The following UNC13C variants were observed in gnomAD, a reference collection of about 807,000 sequenced individuals.
UNC13C encodes unc-13 homolog C.
A neutral mutation model predicts 245.4 loss-of-function variants in UNC13C; 174 were observed. The ratio of observed to expected loss-of-function variants is 0.71; its 90% CI spans 0.63 to 0.80. UNC13C has a LOEUF of 0.80. Among genes scored for constraint, UNC13C ranks in the 30% least tolerant of loss-of-function variants. UNC13C has a pLI of 0.00. For missense variants in UNC13C, 2,829 were observed against 2,602.9 expected (o/e 1.09, Z -1.89); for synonymous variants, 992 against 895.1 (o/e 1.11, Z -1.93).
intron 19 of UNC13C, among the ~76,000 whole-genome samples, chr15:54,444,071 T>C (rs1378849104): frequency 6.6e-6 from 1 of 151,996 alleles, no homozygotes; most frequent in Non-Finnish European, 1.5e-5. Context: ...TATATCTGGA[T>C]ACTCCAGTAT....
At chr15:54,047,945 C>T (rs1002750077) in intron 2 of UNC13C, among the ~76,000 whole-genome samples, 1 of 151,966 alleles carries the variant, frequency 6.6e-6, no homozygotes, top group Non-Finnish European at 1.5e-5. Context: ...ACAGGCATAT[C>T]GTAAGTATAC....
At chr15:54,229,378 A>G (rs1371610456) in intron 4 of UNC13C, among the ~76,000 whole-genome samples, 1 of 152,096 alleles carries the variant, frequency 6.6e-6, no homozygotes, top group African/African-American at 2.4e-5. Context: ...TGCTTGTTCA[A>G]TTTGGTGTTC....
the UNC13C span, among the ~76,000 whole-genome samples, chr15:53,934,304 C>T: frequency 3.6e-3 from 544 of 152,302 alleles, 1 homozygote; most frequent in South Asian, 0.013. Context: ...CAAACTATAT[C>T]AAACACTCAC....
chr15:54,089,759 C>T (rs367822291), intron 2 of UNC13C, among the ~76,000 whole-genome samples: 1 of 150,166 alleles, frequency 6.7e-6, no homozygotes, highest in African/African-American at 2.5e-5. Context: ...TTTTTACTCT[C>T]TGGAGAGAAA....
chr15:54,614,996 G>A (rs890187457), intron 30 of UNC13C, among the ~76,000 whole-genome samples: 1 of 151,926 alleles, frequency 6.6e-6, no homozygotes, highest in Admixed American at 6.6e-5. Flanking sequence ...TTTTGTTTCA[G>A]ATGCCCTTTA....
At chr15:53,865,519 C>A in the UNC13C span, among the ~76,000 whole-genome samples, 1 of 152,092 alleles carries the variant, frequency 6.6e-6, no homozygotes, top group Non-Finnish European at 1.5e-5. Flanking sequence ...AGGGCCCCAA[C>A]CTAAAGGCCT....
At chr15:54,264,727 T>C (rs1342975616) in intron 9 of UNC13C, among the ~76,000 whole-genome samples, 1 of 151,918 alleles carries the variant, frequency 6.6e-6, no homozygotes, top group Non-Finnish European at 1.5e-5. Context: ...AGTTAATCTT[T>C]TTAAATGAGA....
chr15:53,938,494 C>G, the UNC13C span, among the ~76,000 whole-genome samples: 2 of 152,160 alleles, frequency 1.3e-5, no homozygotes, highest in Non-Finnish European at 2.9e-5. Flanking sequence ...GAACTGAGCT[C>G]TGGATCAAGG....
chr15:54,538,148 A>AAAAAAAAAAAAAAAAAAAC, intron 26 of UNC13C, among the ~76,000 whole-genome samples: 1 of 144,830 alleles, frequency 6.9e-6, no homozygotes, highest in Non-Finnish European at 1.5e-5. Flanking sequence ...AAAAAAAAAA[A>AAAAAAAAAAAAAAAAAAAC]AAAAAAAAAA....
rs374191026 is a variant in UNC13C at position 54,458,636 on chromosome 15, T to C, written c.4934-35972T>C. On this transcript the variant is annotated intron_variant, in intron 19 of 32. Coordinates refer to ENST00000260323, the MANE Select transcript of UNC13C (RefSeq NM_001080534.3). ...TATTAGACTAACCCTTTTATCATTATAGAATGTCCCTCTGTCTTTTTTAAA... is the reference window on the plus strand; with the variant it reads ...TATTAGACTAACCCTTTTATCATTACAGAATGTCCCTCTGTCTTTTTTAAA... Among the ~76,000 whole-genome samples, 5 of 151,348 alleles carry C rather than the reference T, an allele frequency of 3.3e-5. No individual in the cohort carries two copies. The South Asian group carries it at 6.3e-4, about 19-fold the overall frequency.
intron 30 of UNC13C, among the ~76,000 whole-genome samples, chr15:54,596,539 C>A (rs923108662): frequency 6.6e-6 from 1 of 152,200 alleles, no homozygotes; most frequent in Non-Finnish European, 1.5e-5. Context: ...ATGAGAGCAC[C>A]ACTAGGGTCA....
At chr15:53,845,935 C>T in the UNC13C span, among the ~76,000 whole-genome samples, 30 of 152,120 alleles carry the variant, frequency 2.0e-4, no homozygotes, top group African/African-American at 7.2e-4. Flanking sequence ...CTTTACAATG[C>T]TACAAAAGCC....
chr15:53,884,045 G>A, the UNC13C span, among the ~76,000 whole-genome samples: 108 of 152,162 alleles, frequency 7.1e-4, 1 homozygote, highest in Middle Eastern at 3.4e-3. Flanking sequence ...AAATGATGCC[G>A]GTACCGTGCA....
At chr15:54,522,276 G>A (rs556212472) in intron 24 of UNC13C, among the ~76,000 whole-genome samples, 2 of 150,754 alleles carry the variant, frequency 1.3e-5, no homozygotes, top group East Asian at 3.9e-4. Flanking sequence ...TTCAAGACCA[G>A]CCTGGTCAAC....
At chr15:53,919,501 T>C in the UNC13C span, among the ~76,000 whole-genome samples, 1 of 152,202 alleles carries the variant, frequency 6.6e-6, no homozygotes, top group African/African-American at 2.4e-5. Context: ...GCTGCTCAGG[T>C]GTTGATTTCT....
intron 4 of UNC13C, among the ~76,000 whole-genome samples, chr15:54,147,449 G>A (rs1340215401): frequency 1.3e-5 from 2 of 152,080 alleles, no homozygotes; most frequent in Non-Finnish European, 2.9e-5. Flanking sequence ...TCGATCTCCT[G>A]ACCTCGTGAT....
Position 54,264,222 on chromosome 15 carries a change from T to C in UNC13C, c.3503T>C (p.Ile1168Thr). The stretch of plus-strand genomic sequence containing the variant: ...GCCGAAGACAAGACTCAGACCATTA[T>C]TACAGCAATGAAAGAAAGAATGAAG... ...HGAEDKTQTI[I>T]TAMKERMKIR... is the part of the protein sequence containing the mutation. Residue 1168 changes from isoleucine (I) to threonine (T), a missense_variant, in exon 9 of 33, where the codon ATT becomes ACT. Ile to Thr is a moderately conservative substitution (Grantham distance 89, BLOSUM62 -1). Coordinates refer to ENST00000260323, the MANE Select transcript of UNC13C (RefSeq NM_001080534.3). The C allele has an allele frequency of 6.3e-7, 1 of 1,594,850 alleles. No homozygotes were observed. Among genetic ancestry groups the C allele is most frequent in the Non-Finnish European group, 8.5e-7 (1 of 1,170,046 alleles).
At chr15:54,399,801 G>A (rs1267899937) in intron 18 of UNC13C, among the ~76,000 whole-genome samples, 1 of 151,942 alleles carries the variant, frequency 6.6e-6, no homozygotes, top group South Asian at 2.1e-4. Flanking sequence ...AAGTGAGGAA[G>A]TTTAGGTTTA....
intron 18 of UNC13C, among the ~76,000 whole-genome samples, chr15:54,397,254 AT>A (rs1446689543): frequency 6.6e-6 from 1 of 151,244 alleles, no homozygotes; most frequent in Non-Finnish European, 1.5e-5. Context: ...ATGGTTATCT[AT>A]TTTTTTATCT....
Sources: gnomAD v4.1 joint callset for allele counts (sites outside exome capture counted in the v4.1 genomes callset) on GRCh38, gnomAD v4.1.1 for gene constraint, MANE v1.5 for transcripts, NCBI Gene and HGNC (gene_info 2026-07-23, HGNC 2026-07-21) for gene names.